NCKAP5: variants seen among roughly 807,000 people sequenced by gnomAD.
NCKAP5 encodes NCK associated protein 5.
NCKAP5 carries 92 observed loss-of-function variants against 167.0 expected under a neutral mutation model. That is an observed-to-expected ratio of 0.55 (90% CI 0.47 to 0.66). The LOEUF is 0.66. Ranked by LOEUF, NCKAP5 falls within the 30% of genes least tolerant of loss-of-function variation. The probability of loss-of-function intolerance (pLI) is 0.00; values close to 1 mark genes in which losing one functional copy is unlikely to be tolerated. For missense variants in NCKAP5, 2,378 were observed against 2,315.0 expected (o/e 1.03, Z -0.56); for synonymous variants, 891 against 877.4 (o/e 1.02, Z -0.27).
chr2:132,794,161 A>G (rs1433012034), intron 12 of NCKAP5, among the ~76,000 whole-genome samples: 2 of 147,642 alleles, frequency 1.4e-5, no homozygotes, highest in South Asian at 4.4e-4. Context: ...ACAGCCCCTG[A>G]CAAACGCTGG....
At chr2:133,463,601 C>T (rs759718152) in intron 3 of NCKAP5, among the ~76,000 whole-genome samples, 15 of 152,104 alleles carry the variant, frequency 9.9e-5, no homozygotes, top group Non-Finnish European at 1.5e-4. Flanking sequence ...ATTAAAGGGC[C>T]CCCATTTCTC....
At chr2:133,254,498 T>A (rs1048402079) in intron 4 of NCKAP5, among the ~76,000 whole-genome samples, 1 of 152,128 alleles carries the variant, frequency 6.6e-6, no homozygotes, top group Non-Finnish European at 1.5e-5. Flanking sequence ...TAATCAACTC[T>A]CAGAATTGTG....
At chr2:132,845,690 G>C (rs1459675616) in intron 11 of NCKAP5, among the ~76,000 whole-genome samples, 2 of 152,066 alleles carry the variant, frequency 1.3e-5, no homozygotes, top group African/African-American at 4.8e-5. Flanking sequence ...ATATTTTGAA[G>C]TACCACAGGG....
intron 15 of NCKAP5, among the ~76,000 whole-genome samples, chr2:132,779,974 T>C (rs1357623638): frequency 1.3e-5 from 2 of 152,196 alleles, no homozygotes; most frequent in Admixed American, 6.5e-5. Flanking sequence ...ATAAAGAGAA[T>C]ATTTTGTGTT....
chr2:133,623,835 T>G, the NCKAP5 span, among the ~76,000 whole-genome samples: 1 of 152,092 alleles, frequency 6.6e-6, no homozygotes, highest in African/African-American at 2.4e-5. Flanking sequence ...AAAAAGATAC[T>G]TGCACACACA....
At chr2:132,723,320 C>T (rs1053180832) in intron 19 of NCKAP5, among the ~76,000 whole-genome samples, 18 of 151,734 alleles carry the variant, frequency 1.2e-4, no homozygotes, top group South Asian at 2.1e-4. Context: ...CCTGTCACCA[C>T]GCCAGGCTAA....
intron 11 of NCKAP5, among the ~76,000 whole-genome samples, chr2:132,810,845 C>G (rs1482606232): frequency 1.3e-5 from 2 of 152,020 alleles, no homozygotes; most frequent in African/African-American, 4.8e-5. Context: ...TGTTAAAGAG[C>G]CTTGTTTTGT....
the NCKAP5 span, among the ~76,000 whole-genome samples, chr2:133,612,099 A>T: frequency 6.6e-6 from 1 of 152,164 alleles, no homozygotes; most frequent in Non-Finnish European, 1.5e-5. Context: ...CATTGATAGG[A>T]TACAATAGAC....
chr2:132,691,503 T>G (rs1466832668), intron 19 of NCKAP5, among the ~76,000 whole-genome samples: 5 of 152,212 alleles, frequency 3.3e-5, no homozygotes, highest in African/African-American at 4.8e-5. Flanking sequence ...CCTTTGCACT[T>G]GCTATACCCG....
chr2:133,583,116 A>G, the NCKAP5 span, among the ~76,000 whole-genome samples: 8 of 145,014 alleles, frequency 5.5e-5, no homozygotes, highest in Non-Finnish European at 1.2e-4. Flanking sequence ...TAGACCAGAG[A>G]TGATAAAAAA....
intron 8 of NCKAP5, among the ~76,000 whole-genome samples, chr2:132,908,273 A>C (rs1287679345): frequency 2.0e-5 from 3 of 151,782 alleles, no homozygotes; most frequent in African/African-American, 7.3e-5. Flanking sequence ...CCTGATTTCT[A>C]TCTTTTCCTA....
chr2:132,873,115 T>G (rs1381810655), intron 9 of NCKAP5, among the ~76,000 whole-genome samples: 1 of 152,196 alleles, frequency 6.6e-6, no homozygotes, highest in Non-Finnish European at 1.5e-5. Context: ...TTTTATTTTA[T>G]TATTTTGAGA....
chr2:133,273,908 T>C (rs578126165), intron 4 of NCKAP5, among the ~76,000 whole-genome samples: 30 of 148,532 alleles, frequency 2.0e-4, no homozygotes, highest in Admixed American at 4.7e-4. Flanking sequence ...AAAAAATAAA[T>C]TAAAAAACAT....
At chr2:133,304,835 T>C (rs1680662516) in intron 3 of NCKAP5, among the ~76,000 whole-genome samples, 1 of 152,212 alleles carries the variant, frequency 6.6e-6, no homozygotes, top group African/African-American at 2.4e-5. Flanking sequence ...GGGGTTATAC[T>C]AAATAAGTGA....
intron 3 of NCKAP5, among the ~76,000 whole-genome samples, chr2:133,309,035 T>C (rs1379131379): frequency 6.6e-6 from 1 of 152,030 alleles, no homozygotes; most frequent in African/African-American, 2.4e-5. Flanking sequence ...TTAAACTTTG[T>C]AAAGAATATA....
intron 8 of NCKAP5, among the ~76,000 whole-genome samples, chr2:132,915,199 C>G (rs1298058426): frequency 6.6e-6 from 1 of 151,962 alleles, no homozygotes; most frequent in Non-Finnish European, 1.5e-5. Flanking sequence ...CCAGTGTCTC[C>G]TTCCTGAGTT....
chr2:133,275,965 T>C (rs2089710735), intron 4 of NCKAP5, among the ~76,000 whole-genome samples: 1 of 151,736 alleles, frequency 6.6e-6, no homozygotes, highest in Admixed American at 6.6e-5. Context: ...TTATACAGAG[T>C]ATGCCTGTCT....
rs753824710 is a variant in NCKAP5 at position 133,213,821 on chromosome 2, G to A, written c.144-42C>T. 4 of 1,600,218 alleles carry A rather than the reference G, an allele frequency of 2.5e-6. No individual in the cohort carries two copies. In the East Asian group the frequency reaches 6.7e-5, roughly 27 times the overall value. ...ACATGATTAGTTGACCATTCTCAGG[G>A]TAGAGGTGACACTGGCATGGCCGTG... On this transcript the variant is annotated intron_variant, in intron 4 of 19. Coordinates refer to ENST00000409261, the MANE Select transcript of NCKAP5 (RefSeq NM_207363.3).
At chr2:133,088,991 G>A (rs1047794278) in intron 6 of NCKAP5, among the ~76,000 whole-genome samples, 8 of 152,050 alleles carry the variant, frequency 5.3e-5, no homozygotes. Flanking sequence ...GAAATAGAGG[G>A]AAACCACCTT....
Sources: allele counts gnomAD v4.1 joint callset (sites outside exome capture counted in the v4.1 genomes callset), GRCh38; gene constraint gnomAD v4.1.1; transcripts MANE v1.5; gene names NCBI Gene and HGNC (gene_info 2026-07-23, HGNC 2026-07-21).